SLC24A2: variants seen among roughly 807,000 people sequenced by gnomAD.
SLC24A2 encodes solute carrier family 24 member 2, also known as sodium/potassium/calcium exchanger 2.
In SLC24A2, 36 loss-of-function variants were observed where a neutral mutation model predicts 62.0. The observed-to-expected ratio is 0.58, with a 90% CI of 0.44 to 0.77. The LOEUF is 0.77. Ranked by LOEUF, SLC24A2 falls within the 30% of genes least tolerant of loss-of-function variation. The probability of loss-of-function intolerance (pLI) is 0.00; values close to 1 mark genes in which losing one functional copy is unlikely to be tolerated. For synonymous variants in SLC24A2, 358 were observed against 294.0 expected (o/e 1.22, Z -2.23); for missense variants, 846 against 817.9 (o/e 1.03, Z -0.42).
At chr9:19,654,031 G>A (rs977764501) in intron 2 of SLC24A2, among the ~76,000 whole-genome samples, 3 of 152,274 alleles carry the variant, frequency 2.0e-5, no homozygotes, top group East Asian at 3.9e-4. Context: ...CCGCACTCAC[G>A]ATACAGAACA....
At chr9:20,280,859 G>C in the SLC24A2 span, among the ~76,000 whole-genome samples, 1 of 152,174 alleles carries the variant, frequency 6.6e-6, no homozygotes. Context: ...TGAAGGTGCA[G>C]ACCATGCAGC....
In SLC24A2 at chr9:19,531,559, C is replaced by T. The variant is rs377368409; in HGVS notation, c.1480-3421G>A. 2.9e-3 allele frequency among the ~76,000 whole-genome samples: 440 copies of T among 152,236 alleles called. 5 individuals are homozygous for T. The highest frequency in any genetic ancestry group is 1.0e-2 in the African/African-American group (415 of 41,540). ...AGCTTTTGGTACATCAGAGTGATAT[C>T]GGCTTGGCTTGGAAAAAGATGCTGG... is the stretch of plus-strand genomic sequence containing the variant. On this transcript the variant is annotated intron_variant, in intron 8 of 10. Transcript: ENST00000341998.
At chr9:19,592,048 A>ATAAT (rs1369251083) in intron 5 of SLC24A2, among the ~76,000 whole-genome samples, 3 of 152,252 alleles carry the variant, frequency 2.0e-5, no homozygotes, top group Non-Finnish European at 4.4e-5. Context: ...CTCTTTGAAA[A>ATAAT]TAATTAGACT....
At chr9:20,052,816 C>G in the SLC24A2 span, among the ~76,000 whole-genome samples, 3 of 152,086 alleles carry the variant, frequency 2.0e-5, no homozygotes, top group Admixed American at 6.5e-5. Context: ...CACTGTTAGG[C>G]CTTTAGGACT....
the SLC24A2 span, among the ~76,000 whole-genome samples, chr9:19,984,246 C>T: frequency 6.6e-6 from 1 of 151,904 alleles, no homozygotes; most frequent in South Asian, 2.1e-4. Context: ...AGTTCATTCT[C>T]AAATTCACGT....
chr9:20,199,021 G>C, the SLC24A2 span, among the ~76,000 whole-genome samples: 1 of 152,162 alleles, frequency 6.6e-6, no homozygotes, highest in African/African-American at 2.4e-5. Flanking sequence ...AAATAGAAAA[G>C]AAACAGAAGG....
the SLC24A2 span, among the ~76,000 whole-genome samples, chr9:19,881,305 T>C: frequency 3.3e-5 from 5 of 151,984 alleles, no homozygotes; most frequent in African/African-American, 9.7e-5. Context: ...AAAGAGCAAA[T>C]AGTGTCCCCA....
chr9:19,735,019 T>C (rs113282920), intron 2 of SLC24A2, among the ~76,000 whole-genome samples: 2 of 152,064 alleles, frequency 1.3e-5, no homozygotes, highest in South Asian at 2.1e-4. Context: ...TGGGATCTAA[T>C]TAAACTAAAG....
Position 19,528,088 on chromosome 9 carries a change from A to C in SLC24A2, c.1530T>G (p.Ile510Met). ...AGACCATCAAGTAAGAGAATACTGC[A>C]ATCCAGGTAATGGAGCCAAAGAACG... ...PITFFGSITWIAVFSYLMVWW... is the reference protein window; with the variant it reads ...PITFFGSITWMAVFSYLMVWW... Residue 510 changes from isoleucine to methionine, a missense_variant, in exon 9 of 11, where the codon ATT (isoleucine) becomes ATG (methionine). Transcript: ENST00000341998. 6.3e-7 allele frequency: 1 copy of C among 1,598,894 alleles called. No homozygotes were observed. The highest frequency in any genetic ancestry group is 8.5e-7 in the Non-Finnish European group (1 of 1,172,222).
the SLC24A2 span, among the ~76,000 whole-genome samples, chr9:20,246,908 A>C: frequency 6.6e-6 from 1 of 152,208 alleles, no homozygotes; most frequent in Non-Finnish European, 1.5e-5. Context: ...GCAACTACTG[A>C]GTGAGATTTG....
chr9:19,655,040 G>A (rs1399103068), intron 2 of SLC24A2, among the ~76,000 whole-genome samples: 1 of 152,156 alleles, frequency 6.6e-6, no homozygotes, highest in Non-Finnish European at 1.5e-5. Flanking sequence ...GTTTCTTGTA[G>A]ACAGATAATG....
At chr9:19,620,365 A>G (rs774271423) in intron 3 of SLC24A2, among the ~76,000 whole-genome samples, 3 of 152,148 alleles carry the variant, frequency 2.0e-5, no homozygotes, top group African/African-American at 4.8e-5. Context: ...CCTCATCTCT[A>G]CCCTGGGACT....
chr9:19,960,377 C>T, the SLC24A2 span, among the ~76,000 whole-genome samples: 2 of 152,078 alleles, frequency 1.3e-5, no homozygotes, highest in African/African-American at 4.8e-5. Flanking sequence ...GTTTGGGACC[C>T]ACTTATAATT....
chr9:20,229,774 G>C, the SLC24A2 span, among the ~76,000 whole-genome samples: 1 of 151,146 alleles, frequency 6.6e-6, no homozygotes, highest in East Asian at 1.9e-4. Flanking sequence ...GGGTACCTGT[G>C]CACAACGTGC....
At chr9:20,281,474 T>C in the SLC24A2 span, among the ~76,000 whole-genome samples, 10 of 152,176 alleles carry the variant, frequency 6.6e-5, no homozygotes, top group Non-Finnish European at 1.3e-4. Context: ...TGTACTCTTT[T>C]CTCGGTCACT....
At chr9:19,698,831 A>T (rs995222558) in intron 2 of SLC24A2, among the ~76,000 whole-genome samples, 4 of 152,190 alleles carry the variant, frequency 2.6e-5, no homozygotes, top group Non-Finnish European at 5.9e-5. Context: ...TTGTATGGGA[A>T]TTGTACCACT....
At chr9:20,201,025 A>G in the SLC24A2 span, among the ~76,000 whole-genome samples, 1 of 152,242 alleles carries the variant, frequency 6.6e-6, no homozygotes, top group Non-Finnish European at 1.5e-5. Flanking sequence ...AAGAAGTGGC[A>G]GAGTCCAGTT....
chr9:20,055,600 A>G, the SLC24A2 span, among the ~76,000 whole-genome samples: 1 of 151,844 alleles, frequency 6.6e-6, no homozygotes, highest in Non-Finnish European at 1.5e-5. Flanking sequence ...GAACTTAGAC[A>G]TACCAGGCCA....
intron 3 of SLC24A2, among the ~76,000 whole-genome samples, chr9:19,620,398 C>G (rs1053104897): frequency 1.3e-5 from 2 of 152,168 alleles, no homozygotes; most frequent in African/African-American, 4.8e-5. Context: ...CAGAAAGCAG[C>G]ATAGCTTGTG....
Sources: allele counts gnomAD v4.1 joint callset (sites outside exome capture counted in the v4.1 genomes callset), GRCh38; gene constraint gnomAD v4.1.1; transcripts MANE v1.5; gene names NCBI Gene and HGNC (gene_info 2026-07-23, HGNC 2026-07-21).